TNRC6B: variants seen among roughly 807,000 people sequenced by gnomAD.
TNRC6B encodes trinucleotide repeat containing adaptor 6B.
A neutral mutation model predicts 203.6 loss-of-function variants in TNRC6B; 52 were observed. The observed-to-expected ratio is 0.26, with a 90% CI of 0.20 to 0.32. The LOEUF is 0.32. Among genes scored for constraint, TNRC6B ranks in the 10% least tolerant of loss-of-function variants. The pLI is 1.00. For missense variants in TNRC6B, 1,923 were observed against 2,286.2 expected (o/e 0.84, Z 3.24); for synonymous variants, 838 against 845.7 (o/e 0.99, Z 0.16).
chr22:40,175,495 T>C (rs6001826), upstream of TNRC6B, among the ~76,000 whole-genome samples: 103,418 of 152,110 alleles, frequency 0.68, 36,972 homozygotes, highest in African/African-American at 0.91. Context: ...TAAATATTTG[T>C]ATACAATAAT....
intron 3 of TNRC6B, among the ~76,000 whole-genome samples, chr22:40,127,444 C>A (rs1164146112): frequency 6.6e-6 from 1 of 152,118 alleles, no homozygotes; most frequent in East Asian, 1.9e-4. Flanking sequence ...GAGGTACACA[C>A]ACGATCTAGG....
At chr22:40,219,483 G>A (rs891332112) in intron 1 of TNRC6B, among the ~76,000 whole-genome samples, 7 of 152,188 alleles carry the variant, frequency 4.6e-5, no homozygotes, top group African/African-American at 1.7e-4. Flanking sequence ...GAAAGGATGA[G>A]TTCTGGAAAG....
At chr22:40,082,650 G>A (rs1030083198) in intron 1 of TNRC6B, among the ~76,000 whole-genome samples, 2 of 152,190 alleles carry the variant, frequency 1.3e-5, no homozygotes, top group African/African-American at 4.8e-5. Flanking sequence ...AGACAAGGCT[G>A]GGAACAGAGA....
At chr22:40,098,653 G>A (rs559740510) in intron 1 of TNRC6B, among the ~76,000 whole-genome samples, 3 of 152,100 alleles carry the variant, frequency 2.0e-5, no homozygotes, top group Admixed American at 6.5e-5. Context: ...TTTTAGGAAT[G>A]TCTTCCTCAA....
At chr22:40,111,067 G>A (rs1222888157) in intron 1 of TNRC6B, among the ~76,000 whole-genome samples, 1 of 152,164 alleles carries the variant, frequency 6.6e-6, no homozygotes, top group East Asian at 1.9e-4. Context: ...GCTCACCAGG[G>A]GAAGGATCCG....
chr22:40,166,028 C>T (rs1003111021), intron 4 of TNRC6B, among the ~76,000 whole-genome samples: 4 of 152,074 alleles, frequency 2.6e-5, no homozygotes, highest in African/African-American at 9.7e-5. Context: ...AAGTCTGAAC[C>T]TTTTCTTCTA....
At chr22:40,106,356 T>G (rs2068283524) in intron 1 of TNRC6B, 2 of 1,200,526 alleles carry the variant, frequency 1.7e-6, no homozygotes, top group Non-Finnish European at 2.4e-6. Flanking sequence ...GATCTGGTCC[T>G]TCTTGTTGCC....
chr22:40,258,092 T>TTTTTTTTTTTTTTTTTTTTTTTTTTC (rs1207397361), intron 3 of TNRC6B, among the ~76,000 whole-genome samples: 1 of 143,334 alleles, frequency 7.0e-6, no homozygotes, highest in Non-Finnish European at 1.5e-5. Context: ...TTTTTTTTTT[T>TTTTTTTTTTTTTTTTTTTTTTTTTTC]TTTTTTTTTA....
At chr22:40,235,122 CTAGT>C (rs752016573) in intron 1 of TNRC6B, among the ~76,000 whole-genome samples, 6 of 152,240 alleles carry the variant, frequency 3.9e-5, no homozygotes, top group South Asian at 2.1e-4. Flanking sequence ...GGTTTTGTGG[CTAGT>C]TATTTTCTTA....
At chr22:40,165,610 T>C (rs2068912449) in intron 4 of TNRC6B, among the ~76,000 whole-genome samples, 1 of 152,176 alleles carries the variant, frequency 6.6e-6, no homozygotes, top group Non-Finnish European at 1.5e-5. Flanking sequence ...TTCCTGAGAC[T>C]GGGTAATTTA....
At chr22:40,227,056 T>C (rs2069796912) in intron 1 of TNRC6B, among the ~76,000 whole-genome samples, 1 of 150,110 alleles carries the variant, frequency 6.7e-6, no homozygotes, top group Non-Finnish European at 1.5e-5. Context: ...ACTACAGGCA[T>C]GTGTCGCCAC....
At chr22:40,125,791 GCAGAGTTTTGCA>G in exon 3 of TNRC6B, 2 of 1,604,564 alleles carry the variant, frequency 1.2e-6, no homozygotes, top group Non-Finnish European at 1.7e-6. Flanking sequence ...TTGTGTTTCT[GCAGAGTTTTGCA>G]CAAAATCTGT....
chr22:40,183,436 C>G (rs983121484), intron 1 of TNRC6B, among the ~76,000 whole-genome samples: 2 of 152,162 alleles, frequency 1.3e-5, no homozygotes, highest in African/African-American at 4.8e-5. Flanking sequence ...CAAGTCCCTA[C>G]ATTCCTGTGG....
At chr22:40,071,258 A>G (rs2067944724) in intron 1 of TNRC6B, among the ~76,000 whole-genome samples, 1 of 152,032 alleles carries the variant, frequency 6.6e-6, no homozygotes, top group African/African-American at 2.4e-5. Context: ...TCCACTAGAT[A>G]CTTCCTACTC....
chr22:40,275,446 T>G (rs934732147), intron 7 of TNRC6B, among the ~76,000 whole-genome samples: 4 of 152,324 alleles, frequency 2.6e-5, no homozygotes, highest in Admixed American at 6.5e-5. Flanking sequence ...GAGGGCGTTT[T>G]TTTTAAAAAT....
At chr22:40,133,970 C>CAAAAA (rs57924620) in intron 3 of TNRC6B, among the ~76,000 whole-genome samples, 2 of 45,952 alleles carry the variant, frequency 4.4e-5, no homozygotes, top group Non-Finnish European at 7.7e-5. Flanking sequence ...AGCTCCGTCT[C>CAAAAA]AAAAAAAAAA....
At chr22:40,250,933 CT>C (rs11330855) in intron 2 of TNRC6B, among the ~76,000 whole-genome samples, 93,578 of 133,154 alleles carry the variant, frequency 0.7, 32,548 homozygotes, top group East Asian at 0.96. Context: ...GAGTGGAATG[CT>C]TTTTTTTTTT....
At chr22:40,190,203 C>G (rs2069253987) in intron 1 of TNRC6B, among the ~76,000 whole-genome samples, 2 of 152,168 alleles carry the variant, frequency 1.3e-5, no homozygotes, top group Admixed American at 1.3e-4. Context: ...GATTTCATGA[C>G]TCATCCTTTT....
chr22:40,272,250 T>C (rs1341090609), intron 6 of TNRC6B, among the ~76,000 whole-genome samples: 1 of 152,180 alleles, frequency 6.6e-6, no homozygotes, highest in Non-Finnish European at 1.5e-5. Context: ...GACAGCCCCT[T>C]CCTGTGGCTA....
Sources: gnomAD v4.1 joint callset for allele counts (sites outside exome capture counted in the v4.1 genomes callset) on GRCh38, gnomAD v4.1.1 for gene constraint, MANE v1.5 for transcripts, NCBI Gene and HGNC (gene_info 2026-07-23, HGNC 2026-07-21) for gene names.